IL17D: variants seen among roughly 807,000 people sequenced by gnomAD.
IL17D encodes the protein interleukin-17D.
IL17D carries 10 observed loss-of-function variants against 5.7 expected under a neutral mutation model. The ratio of observed to expected loss-of-function variants is 1.75; its 90% CI spans 1.08 to 2.97. The LOEUF is 2.97. Ranked by LOEUF, IL17D falls within the 30% of genes most tolerant of loss-of-function variation. The probability of loss-of-function intolerance (pLI) is 0.00; values close to 1 mark genes in which losing one functional copy is unlikely to be tolerated. For missense variants in IL17D, 354 were observed against 292.7 expected (o/e 1.21, Z -1.53); for synonymous variants, 172 against 141.7 (o/e 1.21, Z -1.52).
intron 1 of IL17D, among the ~76,000 whole-genome samples, chr13:20,719,577 A>AAT (rs2058715589): frequency 6.6e-6 from 1 of 152,384 alleles, no homozygotes; most frequent in South Asian, 2.1e-4. Context: ...TTCATTTTGA[A>AAT]ATAATTTCAA....
intron 1 of IL17D, among the ~76,000 whole-genome samples, chr13:20,720,567 G>T (rs1317786304): frequency 2.0e-5 from 3 of 152,000 alleles, no homozygotes; most frequent in Non-Finnish European, 4.4e-5. Flanking sequence ...TGCCCTCTCC[G>T]GTGCCTTCAC....
chr13:20,704,971 G>C (rs1460015389), intron 1 of IL17D, among the ~76,000 whole-genome samples: 1 of 152,166 alleles, frequency 6.6e-6, no homozygotes, highest in African/African-American at 2.4e-5. Flanking sequence ...GAAGTGACAT[G>C]AACAGTTTCG....
In IL17D at chr13:20,721,853, G is replaced by C. The variant is rs767059578; in HGVS notation, c.508G>C (p.Val170Leu). 1.1e-5 allele frequency: 17 copies of C among 1,610,436 alleles called. No homozygotes were observed. Among genetic ancestry groups the C allele is most frequent in the Non-Finnish European group, 1.2e-5 (14 of 1,179,786 alleles). ...CACCATCCCCGTGGGCTGCACCTGC[G>C]TCCCCGAGCCGGAGAAGGACGCAGA... ...YVTIPVGCTC[V>L]PEPEKDADSI... The change falls in exon 2 of 2, where the codon GTC (valine) becomes CTC (leucine). Residue 170 changes from valine to leucine, a missense_variant. Val to Leu is a conservative substitution (Grantham distance 32). Transcript: ENST00000682841.
chr13:20,719,282 C>T (rs1196976454), intron 1 of IL17D, among the ~76,000 whole-genome samples: 1 of 148,828 alleles, frequency 6.7e-6, no homozygotes, highest in East Asian at 2.0e-4. Flanking sequence ...CACACCTGCC[C>T]ACGCTCAGAC....
chr13:20,720,332 C>G (rs1025838012), intron 1 of IL17D, among the ~76,000 whole-genome samples: 3 of 151,984 alleles, frequency 2.0e-5, no homozygotes, highest in Admixed American at 1.3e-4. Flanking sequence ...ATCTTCCCCC[C>G]AATAGTCTGA....
Position 20,709,330 on chromosome 13 carries a change from C to T in IL17D, c.290+5039C>T, listed in dbSNP as rs540328754. Among the ~76,000 whole-genome samples the T allele has an allele frequency of 5.9e-5, 9 of 152,196 alleles. No individual in the cohort carries two copies. In the East Asian group the frequency reaches 7.7e-4, roughly 13 times the overall value. ...TTTCCCCTTCAGACACACTTGCCCA[C>T]GTGCCAAATGATATGTGTACAAGGA... On this transcript the variant is annotated intron_variant, in intron 1 of 1. Transcript: ENST00000682841.
rs1011840552 is a variant in IL17D at position 20,722,763 on chromosome 13, C to T, written c.*809C>T. The stretch of plus-strand genomic sequence containing the variant: ...ATGAATACATAAACAGTCTCAAACT[C>T]GCACAATTTTTTCCCCCTTTTGAAA... On this transcript the variant is annotated 3_prime_UTR_variant, in exon 2 of 2. Coordinates refer to ENST00000682841, the MANE Select transcript of IL17D (RefSeq NM_001385224.1). 6.6e-6 allele frequency: 1 copy of T among 152,170 alleles called. No individual in the cohort carries two copies. Among genetic ancestry groups the T allele is most frequent in the Non-Finnish European group, 1.5e-5 (1 of 68,042 alleles). The allele number at this position is 152,170 out of a possible 1,614,324, so 9.4% of individuals were successfully genotyped here. A position where few individuals can be genotyped will look rare whatever the true frequency, so the allele number is the denominator to read the frequency against.
chr13:20,711,269 AAAG>A lies in IL17D; in HGVS notation c.290+6981_290+6983del, dbSNP rs1343812926. Reference sequence around the variant, plus strand: ...ACAAGAGTGAAACTCTGTCTCAAAAAAAGAAAAAAAAAAGTACAAGTTGATTTG... The same window carrying A: ...ACAAGAGTGAAACTCTGTCTCAAAAAAAAAAAAAAAGTACAAGTTGATTTG... On this transcript the variant is annotated intron_variant, in intron 1 of 1. Coordinates refer to ENST00000682841, the MANE Select transcript of IL17D (RefSeq NM_001385224.1). 2.7e-3 allele frequency among the ~76,000 whole-genome samples: 361 copies of A among 131,812 alleles called. 1 individual carries two copies. The highest frequency in any genetic ancestry group is 0.013 in the South Asian group (47 of 3,534). The allele number at this position is 131,812 out of a possible 152,430, so 86.5% of individuals were successfully genotyped here. A position where few individuals can be genotyped will look rare whatever the true frequency, so the allele number is the denominator to read the frequency against.
chr13:20,707,460 AAAAAAG>A (rs1488408158), intron 1 of IL17D, among the ~76,000 whole-genome samples: 24 of 151,676 alleles, frequency 1.6e-4, no homozygotes, highest in African/African-American at 5.1e-4. Context: ...AAAAAAAAAA[AAAAAAG>A]GAAAAGAAAT....
In IL17D at chr13:20,716,132, T is replaced by G; in HGVS notation, c.291-5504T>G. 2 of 984,400 alleles carry G rather than the reference T, an allele frequency of 2.0e-6. No individual in the cohort carries two copies. The highest frequency in any genetic ancestry group is 2.4e-6 in the Non-Finnish European group (2 of 828,996). The allele number at this position is 984,400 out of a possible 1,614,324, so 61.0% of individuals were successfully genotyped here. A position where few individuals can be genotyped will look rare whatever the true frequency, so the allele number is the denominator to read the frequency against. ...TTGTTTATGCCGCCTTCTTATCTCT[T>G]GCAAAGGTTAGTGTTTTTCACAGGA... is the stretch of plus-strand genomic sequence containing the variant. On this transcript the variant is annotated intron_variant, in intron 1 of 1. Coordinates refer to ENST00000682841, the MANE Select transcript of IL17D (RefSeq NM_001385224.1). The surrounding 1 kb of genome is among the most constrained non-coding windows in gnomAD (Gnocchi z 4.2).
chr13:20,702,352 A>G (rs1010757167), upstream of IL17D: 4 of 152,258 alleles, frequency 2.6e-5, no homozygotes, highest in African/African-American at 7.2e-5. Context: ...CCTACAAAGC[A>G]TAACTGAAAT....
At chr13:20,718,751 C>A (rs1407963731) in intron 1 of IL17D, among the ~76,000 whole-genome samples, 1 of 139,178 alleles carries the variant, frequency 7.2e-6, no homozygotes, top group Non-Finnish European at 1.6e-5. Flanking sequence ...CACACACCTG[C>A]CTGTGCTCAC....
upstream of IL17D, chr13:20,702,796 C>T (rs942628932): frequency 4.6e-5 from 7 of 152,178 alleles, no homozygotes; most frequent in African/African-American, 2.4e-5. Context: ...TGGATAGAGG[C>T]ACAGGATCAT....
At chr13:20,707,005 A>T (rs1465911127) in intron 1 of IL17D, among the ~76,000 whole-genome samples, 3 of 152,112 alleles carry the variant, frequency 2.0e-5, no homozygotes, top group African/African-American at 7.2e-5. Flanking sequence ...TGGGTGGCTT[A>T]TATTTGCTGA....
chr13:20,721,822 C>G lies in IL17D; in HGVS notation c.477C>G (p.Ala159=). The part of the protein sequence containing the change: ...CAGGRSVYTE[A]YVTIPVGCTC... ...GCGGCCGTTCCGTCTACACCGAGGC[C>G]TACGTCACCATCCCCGTGGGCTGCA... The change falls in exon 2 of 2, where the codon GCC becomes GCG. Residue 159 remains alanine, a synonymous_variant. Transcript: ENST00000682841. 6.2e-7 allele frequency: 1 copy of G among 1,610,618 alleles called. No individual in the cohort carries two copies. Among genetic ancestry groups the G allele is most frequent in the Non-Finnish European group, 8.5e-7 (1 of 1,179,816 alleles).
chr13:20,701,965 T>C (rs959477463), upstream of IL17D: 1 of 152,074 alleles, frequency 6.6e-6, no homozygotes, highest in Non-Finnish European at 1.5e-5. Flanking sequence ...CAGTGGAAAA[T>C]ACTTTGTTGA....
chr13:20,715,013 A>G (rs896157112), intron 1 of IL17D, among the ~76,000 whole-genome samples: 6 of 152,134 alleles, frequency 3.9e-5, no homozygotes, highest in African/African-American at 1.2e-4. Flanking sequence ...AGTGCTTCCA[A>G]TGTGGTGGTC....
intron 1 of IL17D, among the ~76,000 whole-genome samples, chr13:20,704,801 G>T (rs934062367): frequency 6.6e-6 from 1 of 152,024 alleles, no homozygotes; most frequent in Non-Finnish European, 1.5e-5. Context: ...GGTGCTGCTG[G>T]GGGGTGCGCG....
chr13:20,719,701 C>T (rs1056543367), intron 1 of IL17D, among the ~76,000 whole-genome samples: 8 of 152,210 alleles, frequency 5.3e-5, no homozygotes, highest in South Asian at 2.1e-4. Flanking sequence ...TGAACAGACA[C>T]GACACTATTA....
Sources: gnomAD v4.1 joint callset for allele counts (sites outside exome capture counted in the v4.1 genomes callset) on GRCh38, gnomAD v4.1.1 for gene constraint, Gnocchi (gnomAD v3.1) non-coding constraint, MANE v1.5 for transcripts, NCBI Gene and HGNC (gene_info 2026-07-23, HGNC 2026-07-21) for gene names.